The following CDH6 variants were observed in gnomAD, a reference collection of about 807,000 sequenced individuals.
The protein encoded by CDH6 is cadherin 6.
Under a neutral mutation model 78.0 loss-of-function variants are expected in CDH6, and 31 were observed. That is an observed-to-expected ratio of 0.40 (90% CI 0.30 to 0.54). The LOEUF is 0.54. CDH6 is among the 20% of genes least tolerant of loss of function. CDH6 has a pLI of 0.56. For missense variants in CDH6, 724 were observed against 975.9 expected (o/e 0.74, Z 3.44); for synonymous variants, 376 against 368.8 (o/e 1.02, Z -0.23).
chr5:31,319,183 T>C (rs551037177), intron 11 of CDH6: 1 of 174,016 alleles, frequency 5.7e-6, no homozygotes, highest in African/African-American at 2.4e-5. Context: ...GGACTCTTTT[T>C]GTCATCTGTG....
chr5:31,242,470 A>G (rs1204982014), intron 1 of CDH6, among the ~76,000 whole-genome samples: 2 of 152,212 alleles, frequency 1.3e-5, no homozygotes, highest in African/African-American at 2.4e-5. Context: ...TCCCATGGGC[A>G]TGAACCCACT....
chr5:31,277,621 T>C (rs1473172156), intron 2 of CDH6, among the ~76,000 whole-genome samples: 1 of 152,184 alleles, frequency 6.6e-6, no homozygotes, highest in African/African-American at 2.4e-5. Flanking sequence ...GTGTTTCAAA[T>C]TGGATCCCAG....
intron 1 of CDH6, among the ~76,000 whole-genome samples, chr5:31,225,679 A>G (rs545501852): frequency 6.6e-6 from 1 of 152,242 alleles, no homozygotes; most frequent in East Asian, 1.9e-4. Context: ...GCAAGAGGGA[A>G]GTTCACCCCC....
chr5:31,324,397 A>G lies in CDH6; in HGVS notation c.*1089A>G, dbSNP rs1418273719. ...TTAGAGCCAGCCACACTTGAACCTA[A>G]TACCCTGCCCTTGACATCTGGAAAC... On this transcript the variant is annotated 3_prime_UTR_variant, in exon 12 of 12. Coordinates refer to ENST00000265071, the MANE Select transcript of CDH6 (RefSeq NM_004932.4). 1 of 215,232 alleles carries G rather than the reference A, an allele frequency of 4.6e-6. No homozygotes were observed. Among genetic ancestry groups the G allele is most frequent in the African/African-American group, 2.3e-5 (1 of 44,368 alleles). The allele number at this position is 215,232 out of a possible 1,614,324, so 13.3% of individuals were successfully genotyped here. A position where few individuals can be genotyped will look rare whatever the true frequency, so the allele number is the denominator to read the frequency against.
chr5:31,290,240 A>G (rs1170253934), intron 2 of CDH6, among the ~76,000 whole-genome samples: 2 of 152,192 alleles, frequency 1.3e-5, no homozygotes, highest in Non-Finnish European at 2.9e-5. Context: ...AGCCTGGGCA[A>G]CAGAGTGAGA....
intron 1 of CDH6, among the ~76,000 whole-genome samples, chr5:31,209,312 A>T (rs1291758668): frequency 6.6e-6 from 1 of 152,190 alleles, no homozygotes; most frequent in Non-Finnish European, 1.5e-5. Context: ...GAGATCAGTG[A>T]TTCCCAGCAT....
intron 2 of CDH6, among the ~76,000 whole-genome samples, chr5:31,288,817 C>T (rs1329416807): frequency 6.6e-6 from 1 of 152,170 alleles, no homozygotes; most frequent in Non-Finnish European, 1.5e-5. Context: ...TGCACTACAC[C>T]GTACAAGTCC....
chr5:31,265,461 T>A (rs1742315523), intron 1 of CDH6, among the ~76,000 whole-genome samples: 1 of 152,220 alleles, frequency 6.6e-6, no homozygotes, highest in Non-Finnish European at 1.5e-5. Flanking sequence ...CCGAATACTA[T>A]AAAATATTTC....
chr5:31,214,596 G>T (rs1237447801), intron 1 of CDH6, among the ~76,000 whole-genome samples: 3 of 152,150 alleles, frequency 2.0e-5, no homozygotes, highest in Non-Finnish European at 1.5e-5. Context: ...AATCACATTG[G>T]AAGAAAATCA....
chr5:31,209,306 T>G (rs1740626936), intron 1 of CDH6, among the ~76,000 whole-genome samples: 2 of 152,040 alleles, frequency 1.3e-5, no homozygotes, highest in South Asian at 4.2e-4. Flanking sequence ...AAAAATGAGA[T>G]CAGTGATTCC....
At chr5:31,245,371 T>G (rs1741715770) in intron 1 of CDH6, among the ~76,000 whole-genome samples, 1 of 152,182 alleles carries the variant, frequency 6.6e-6, no homozygotes, top group South Asian at 2.1e-4. Flanking sequence ...GTCCTTATTC[T>G]TCTTCTCTTT....
chr5:31,323,601 G>T lies in CDH6; in HGVS notation c.*293G>T, dbSNP rs182517649. On this transcript the variant is annotated 3_prime_UTR_variant, in exon 12 of 12. Coordinates refer to ENST00000265071, the MANE Select transcript of CDH6 (RefSeq NM_004932.4). ...CACTTGTTCTCAGGGCAGCGTGCCC[G>T]CTTCCGCTGTCCTGGTGTTTTACTA... is the stretch of plus-strand genomic sequence containing the variant. 2.6e-5 allele frequency: 10 copies of T among 380,586 alleles called. No homozygotes were observed. Among genetic ancestry groups the T allele is most frequent in the African/African-American group, 1.6e-4 (8 of 50,582 alleles). 23.6% of individuals were successfully genotyped at this position (380,586 alleles called of 1,614,324 possible).
chr5:31,197,682 A>G (rs1168242191), intron 1 of CDH6, among the ~76,000 whole-genome samples: 1 of 152,192 alleles, frequency 6.6e-6, no homozygotes, highest in Non-Finnish European at 1.5e-5. Context: ...CCCAGTTGTG[A>G]CAATGTTCCA....
At chr5:31,299,708 T>C in intron 5 of CDH6, 77 bp downstream of exon 5, 1 of 1,290,816 alleles carries the variant, frequency 7.7e-7, no homozygotes, top group Non-Finnish European at 1.1e-6. Flanking sequence ...TATTTTCCAT[T>C]GTCATCATTA....
chr5:31,290,508 C>T (rs1296438460), intron 2 of CDH6, among the ~76,000 whole-genome samples: 4 of 152,132 alleles, frequency 2.6e-5, no homozygotes, highest in African/African-American at 9.7e-5. Context: ...CAGCCTACAG[C>T]CTTTTATTTG....
intron 1 of CDH6, among the ~76,000 whole-genome samples, chr5:31,261,549 G>A (rs190826056): frequency 2.6e-4 from 39 of 152,244 alleles, no homozygotes; most frequent in Non-Finnish European, 3.7e-4. Context: ...ATAATAGGTT[G>A]TAAAACATTC....
chr5:31,299,982 A>G (rs1460140805), intron 5 of CDH6, among the ~76,000 whole-genome samples: 1 of 152,246 alleles, frequency 6.6e-6, no homozygotes, highest in Non-Finnish European at 1.5e-5. Context: ...ATGTTTTGTG[A>G]ATTTAATCAG....
chr5:31,217,544 A>C (rs1231235543), intron 1 of CDH6, among the ~76,000 whole-genome samples: 2 of 150,122 alleles, frequency 1.3e-5, no homozygotes, highest in South Asian at 2.2e-4. Flanking sequence ...TCAATCAATC[A>C]GTTATTTCAG....
At chr5:31,198,252 A>G (rs960944578) in intron 1 of CDH6, among the ~76,000 whole-genome samples, 2 of 152,170 alleles carry the variant, frequency 1.3e-5, no homozygotes, top group African/African-American at 2.4e-5. Flanking sequence ...ACTATTAAAG[A>G]TTATTTCATC....
Sources: allele counts gnomAD v4.1 joint callset (sites outside exome capture counted in the v4.1 genomes callset), GRCh38; gene constraint gnomAD v4.1.1; transcripts MANE v1.5; gene names NCBI Gene and HGNC (gene_info 2026-07-23, HGNC 2026-07-21).